CEP295NL: variants seen among roughly 807,000 people sequenced by gnomAD.
CEP295NL encodes CEP295 N-terminal like.
In CEP295NL, 3 loss-of-function variants were observed where a neutral mutation model predicts 4.6. That is an observed-to-expected ratio of 0.65 (90% CI 0.30 to 1.69). The LOEUF (loss-of-function observed/expected upper bound fraction) is 1.69. Ranked by LOEUF, CEP295NL falls within the 40% of genes most tolerant of loss-of-function variation. The pLI, the probability that CEP295NL is intolerant of heterozygous loss-of-function variation, is 0.10. For missense variants in CEP295NL, 719 were observed against 769.0 expected, an observed-to-expected ratio of 0.93 and a Z score of 0.77; for synonymous variants, 295 against 312.2, an observed-to-expected ratio of 0.94 and a Z score of 0.58.
intron 2 of CEP295NL, chr17:78,900,210 A>T (rs1256651142): frequency 6.6e-6 from 1 of 152,202 alleles, no homozygotes; most frequent in African/African-American, 2.4e-5. Flanking sequence ...TTCCCTGGTC[A>T]TAACTGTCTG....
rs1328364003 is a variant in CEP295NL, at chr17:78,896,274, G to A, written c.45-3815C>T. ...CAGGGAAAGCAACAGAGCCTTAGCTGAGCCCAAGATGACCAAGGAGAAACA... is the reference window on the plus strand; with the variant it reads ...CAGGGAAAGCAACAGAGCCTTAGCTAAGCCCAAGATGACCAAGGAGAAACA... On this transcript the variant is annotated intron_variant, in intron 2 of 2. Coordinates refer to ENST00000322630, the MANE Select transcript of CEP295NL (RefSeq NM_001243540.2). The surrounding 1 kb of genome is among the most constrained non-coding windows in gnomAD (Gnocchi z 4.4). Among the ~76,000 whole-genome samples, 2 of 152,180 alleles carry A rather than the reference G, an allele frequency of 1.3e-5. No individual in the cohort carries two copies. Among genetic ancestry groups the A allele is most frequent in the Non-Finnish European group, 2.9e-5 (2 of 68,030 alleles).
chr17:78,902,297 G>C (rs149587239), intron 1 of CEP295NL, among the ~76,000 whole-genome samples: 1 of 152,194 alleles, frequency 6.6e-6, no homozygotes, highest in Non-Finnish European at 1.5e-5. Flanking sequence ...TAGTAGAGAC[G>C]GGGATTCACC....
chr17:78,893,143 G>A (rs561717956), intron 2 of CEP295NL, among the ~76,000 whole-genome samples: 19 of 144,870 alleles, frequency 1.3e-4, no homozygotes, highest in East Asian at 1.1e-3. Flanking sequence ...GTGTGTGTGC[G>A]TACATGTGTG....
Position 78,891,821 on chromosome 17 carries a change from T to C in CEP295NL, c.683A>G (p.Glu228Gly). Residue 228 changes from glutamate to glycine, a missense_variant, in exon 3 of 3, where the codon GAA becomes GGA. Glu to Gly is a moderately conservative substitution (Grantham distance 98). Transcript: ENST00000322630. The surrounding 1 kb of genome is among the most constrained non-coding windows in gnomAD (Gnocchi z 4.5). ...GCCACCCCCAGACTTGGTCGAAGGT[T>C]CTGGCCTTCCCTTTCTCTTCTCAGG... Reference protein sequence around the residue: ...APPEKRKGRPEPSTKSGGGRC... With the variant: ...APPEKRKGRPGPSTKSGGGRC... 6.4e-7 allele frequency: 1 copy of C among 1,550,898 alleles called. No individual in the cohort carries two copies.
intron 2 of CEP295NL, among the ~76,000 whole-genome samples, chr17:78,894,095 A>G (rs7210824): frequency 0.089 from 13,501 of 152,208 alleles, 1,816 homozygotes; most frequent in African/African-American, 0.3. Context: ...TACTGCATCT[A>G]CATTACAGCT....
At chr17:78,897,271 G>A (rs1227318021) in intron 2 of CEP295NL, 3 of 152,372 alleles carry the variant, frequency 2.0e-5, no homozygotes, top group Non-Finnish European at 4.4e-5. Flanking sequence ...ACCAGATCCT[G>A]TGGTTCACTG....
chr17:78,892,445 C>T lies in CEP295NL; in HGVS notation c.59G>A (p.Arg20His), dbSNP rs902735476. ...GCCTGAGGAGCCACAGAAGCCACAA[C>T]GTTCCACAGCAAACCTACGAGGAAG... ...IWRHTQFAVE[R>H]CGFCGSSGPG... The change falls in exon 3 of 3, where the codon CGT becomes CAT. Residue 20 changes from arginine (R) to histidine (H), a missense_variant. Transcript: ENST00000322630. 17 of 1,548,382 alleles carry T rather than the reference C, an allele frequency of 1.1e-5. No homozygotes were observed. Among genetic ancestry groups the T allele is most frequent in the Middle Eastern group, 1.7e-4 (1 of 5,862 alleles).
chr17:78,901,982 C>T lies in CEP295NL; in HGVS notation c.-98-56G>A, dbSNP rs2070100147. The T allele has an allele frequency of 5.1e-6, 3 of 590,918 alleles. No homozygotes were observed. In the East Asian group the frequency reaches 8.6e-5, roughly 17 times the overall value. 36.6% of individuals were successfully genotyped at this position (590,918 alleles called of 1,614,324 possible). On this transcript the variant is annotated intron_variant, in intron 1 of 2. Transcript: ENST00000322630. Reference sequence around the variant, plus strand: ...ACAAACATCAGAAACATTTTTAACTCCGTTTCTCTGAGTTCTAGCCTCTAA... The same window carrying T: ...ACAAACATCAGAAACATTTTTAACTTCGTTTCTCTGAGTTCTAGCCTCTAA...
chr17:78,891,908 G>C lies in CEP295NL; in HGVS notation c.596C>G (p.Ala199Gly). The C allele has an allele frequency of 6.4e-7, 1 of 1,550,568 alleles. No homozygotes were observed. Among genetic ancestry groups the C allele is most frequent in the Non-Finnish European group, 8.7e-7 (1 of 1,146,988 alleles). The change falls in exon 3 of 3, where the codon GCG (alanine) becomes GGG (glycine). Residue 199 changes from alanine to glycine, a missense_variant. Ala to Gly is a moderately conservative substitution (Grantham distance 60). Transcript: ENST00000322630. The surrounding 1 kb of genome is among the most constrained non-coding windows in gnomAD (Gnocchi z 4.5). ...TGTAGTCTGTGGTTTCTCTGGACTC[G>C]CTGCTGTCTTCCGGGGCCTGGAGTG... ...PRHSRPRKTA[A>G]SPEKPQTTKA...
chr17:78,897,577 C>T (rs552012147), intron 2 of CEP295NL: 8 of 152,348 alleles, frequency 5.3e-5, no homozygotes, highest in Admixed American at 2.0e-4. Context: ...GTGATACTAG[C>T]CCGGTACACT....
At chr17:78,902,039 A>C in intron 1 of CEP295NL, 113 bp from the exon 2 acceptor site, 1 of 535,038 alleles carries the variant, frequency 1.9e-6, no homozygotes, top group Non-Finnish European at 3.3e-6. Context: ...GTGTGCTGCC[A>C]GAGGCTTGGT....
In CEP295NL at chr17:78,896,569, G is replaced by A. The variant is rs1000514931; in HGVS notation, c.45-4110C>T. ...CCTCTGTCCTCCACATCCTCTGAGT[G>A]TTCTGAGCATCCTGGGCTGCTTTGG... On this transcript the variant is annotated intron_variant, in intron 2 of 2. Transcript: ENST00000322630. The surrounding 1 kb of genome is among the most constrained non-coding windows in gnomAD (Gnocchi z 4.4). 6.6e-6 allele frequency among the ~76,000 whole-genome samples: 1 copy of A among 152,146 alleles called. No individual in the cohort carries two copies. Among genetic ancestry groups the A allele is most frequent in the Non-Finnish European group, 1.5e-5 (1 of 68,024 alleles).
At position 78,896,818 on chromosome 17, in the gene CEP295NL, T is replaced by C. The variant is rs2070008693; in HGVS notation, c.45-4359A>G. 1 of 608,890 alleles carries C rather than the reference T, an allele frequency of 1.6e-6. No individual in the cohort carries two copies. The highest frequency in any genetic ancestry group is 2.0e-5 in the African/African-American group (1 of 49,624). 37.7% of individuals were successfully genotyped at this position (608,890 alleles called of 1,614,324 possible). A position where few individuals can be genotyped will look rare whatever the true frequency, so the allele number is the denominator to read the frequency against. The stretch of plus-strand genomic sequence containing the variant: ...CACTGGGCCCATTCTCCTCTCTTGC[T>C]CTCTACAGCCCCGTGGCCCCAGCGC... On this transcript the variant is annotated intron_variant, in intron 2 of 2. Coordinates refer to ENST00000322630, the MANE Select transcript of CEP295NL (RefSeq NM_001243540.2). The surrounding 1 kb of genome is among the most constrained non-coding windows in gnomAD (Gnocchi z 4.4).
In CEP295NL at chr17:78,896,501, T is replaced by C. The variant is rs2070002058; in HGVS notation, c.45-4042A>G. On this transcript the variant is annotated intron_variant, in intron 2 of 2. Coordinates refer to ENST00000322630, the MANE Select transcript of CEP295NL (RefSeq NM_001243540.2). The surrounding 1 kb of genome is among the most constrained non-coding windows in gnomAD (Gnocchi z 4.4). ...CCCTCCCAGAGGCACCTGCCCTCTCTGGTTGCTTAGAATATTCTAGAAGGG... is the reference window on the plus strand; with the variant it reads ...CCCTCCCAGAGGCACCTGCCCTCTCCGGTTGCTTAGAATATTCTAGAAGGG... Among the ~76,000 whole-genome samples the C allele has an allele frequency of 6.6e-6, 1 of 152,154 alleles. No individual in the cohort carries two copies. The highest frequency in any genetic ancestry group is 2.1e-4 in the South Asian group (1 of 4,832).
rs925617526 is a variant in CEP295NL, at chr17:78,891,865, C to A, written c.639G>T (p.Met213Ile). Residue 213 changes from methionine to isoleucine, a missense_variant, in exon 3 of 3, where the codon ATG becomes ATT. Transcript: ENST00000322630. This position sits in a 1 kb window ranked among gnomAD's most constrained non-coding sequence, Gnocchi z 4.5. Reference sequence around the variant, plus strand: ...TCTCAGGCGGGGCCAGGTGAGAATTCATCCGACCCGTGGCTTTTGTAGTCT... The same window carrying A: ...TCTCAGGCGGGGCCAGGTGAGAATTAATCCGACCCGTGGCTTTTGTAGTCT... ...KPQTTKATGR[M>I]NSHLAPPEKR... 1.3e-6 allele frequency: 2 copies of A among 1,550,682 alleles called. No individual in the cohort carries two copies. The highest frequency in any genetic ancestry group is 1.7e-6 in the Non-Finnish European group (2 of 1,147,012).
In CEP295NL at chr17:78,891,019, T is replaced by A; in HGVS notation, c.1485A>T (p.Arg495Ser). 6.4e-7 allele frequency: 1 copy of A among 1,551,204 alleles called. No homozygotes were observed. Among genetic ancestry groups the A allele is most frequent in the Non-Finnish European group, 8.7e-7 (1 of 1,147,136 alleles). ...LQLHLQDQAD[R>S]VGSTASRQRQ... The stretch of plus-strand genomic sequence containing the variant: ...TTTGCCTGGATGCCGTCGAGCCCAC[T>A]CTGTCTGCCTGGTCTTGAAGGTGGA... The change falls in exon 3 of 3, where the codon AGA becomes AGT. Residue 495 changes from arginine to serine, a missense_variant. Transcript: ENST00000322630. The surrounding 1 kb of genome is among the most constrained non-coding windows in gnomAD (Gnocchi z 4.5).
Position 78,891,345 on chromosome 17 carries a change from C to T in CEP295NL, c.1159G>A (p.Ala387Thr), listed in dbSNP as rs78156008. 413 of 1,550,352 alleles carry T rather than the reference C, an allele frequency of 2.7e-4. 1 individual carries two copies. The African/African-American group carries it at 4.8e-3, about 18-fold the overall frequency. The change falls in exon 3 of 3, where the codon GCT becomes ACT. Residue 387 changes from alanine to threonine, a missense_variant. Coordinates refer to ENST00000322630, the MANE Select transcript of CEP295NL (RefSeq NM_001243540.2). The surrounding 1 kb of genome is among the most constrained non-coding windows in gnomAD (Gnocchi z 4.5). The stretch of plus-strand genomic sequence containing the variant: ...ATTTTCTTCCCTCTTGGGGTCCCAG[C>T]GCCACACTCTTGCATCTCTGAGAAG... ...HAFSEMQECG[A>T]GTPRGKKMAD...
In CEP295NL at chr17:78,902,978, C is replaced by T. The variant is rs550790490; in HGVS notation, c.-99+156G>A. On this transcript the variant is annotated intron_variant, in intron 1 of 2. Coordinates refer to ENST00000322630, the MANE Select transcript of CEP295NL (RefSeq NM_001243540.2). ...TGCAGGGACTTTGCCGCTGGCCTTG[C>T]GAACCCACGGCTTGGAGCCCCTCCT... Among the ~76,000 whole-genome samples, 9 of 152,354 alleles carry T rather than the reference C, an allele frequency of 5.9e-5. No homozygotes were observed. The East Asian group carries it at 1.4e-3, about 23-fold the overall frequency.
intron 2 of CEP295NL, among the ~76,000 whole-genome samples, chr17:78,893,098 T>G (rs2069927980): frequency 1.3e-5 from 2 of 151,096 alleles, no homozygotes; most frequent in Admixed American, 1.3e-4. Flanking sequence ...CAGGGGTGTG[T>G]GTGGGTGTGT....
Sources: allele counts gnomAD v4.1 joint callset (sites outside exome capture counted in the v4.1 genomes callset), GRCh38; gene constraint gnomAD v4.1.1; non-coding constraint Gnocchi (gnomAD v3.1); transcripts MANE v1.5; gene names NCBI Gene and HGNC (gene_info 2026-07-23, HGNC 2026-07-21).